The following SH3KBP1 variants were observed in gnomAD, a reference collection of about 807,000 sequenced individuals.
The protein encoded by SH3KBP1 is SH3 domain containing kinase binding protein 1.
In SH3KBP1, 8 loss-of-function variants were observed where a neutral mutation model predicts 50.1. That is an observed-to-expected ratio of 0.16 (90% CI 0.09 to 0.29). The LOEUF is 0.29. Ranked by LOEUF, SH3KBP1 falls within the 10% of genes least tolerant of loss-of-function variation. The pLI is 1.00. For missense variants in SH3KBP1, 377 were observed against 535.2 expected, an observed-to-expected ratio of 0.70 and a Z score of 2.92; for synonymous variants, 227 against 218.6, an observed-to-expected ratio of 1.04 and a Z score of -0.34.
chrX:19,745,490 T>C, intron 3 of SH3KBP1, among the ~76,000 whole-genome samples: 1 of 112,089 alleles, frequency 8.9e-6, no homozygotes, highest in Middle Eastern at 4.6e-3. Flanking sequence ...TTCTGGTTAA[T>C]GGAACCCTTT....
chrX:19,591,974 A>G, intron 11 of SH3KBP1, 93 bp downstream of exon 11: 1 of 738,155 alleles, frequency 1.4e-6, no homozygotes, highest in Non-Finnish European at 2.1e-6. Flanking sequence ...TCCAAAGGAA[A>G]AGCAAATTCT....
At chrX:19,568,453 T>C (rs780014613) in intron 13 of SH3KBP1, among the ~76,000 whole-genome samples, 5 of 111,947 alleles carry the variant, frequency 4.5e-5, no homozygotes, top group Non-Finnish European at 9.4e-5. Flanking sequence ...AAAAATAAAA[T>C]AAAATAATAA....
chrX:19,554,457 A>C (rs909601651), intron 13 of SH3KBP1, among the ~76,000 whole-genome samples: 7 of 103,889 alleles, frequency 6.7e-5, no homozygotes, highest in Non-Finnish European at 1.2e-4. Context: ...TCTGCAGTGC[A>C]GTGGTACAAT....
At chrX:19,609,510 CA>C (rs771481488) in intron 8 of SH3KBP1, among the ~76,000 whole-genome samples, 98 of 111,514 alleles carry the variant, frequency 8.8e-4, no homozygotes, top group African/African-American at 3.0e-3. Flanking sequence ...AACAAACAAA[CA>C]AAAAAACCTG....
At chrX:19,554,046 TTAAAATATATTATATATATTAAAATA>T (rs2065357206) in intron 13 of SH3KBP1, among the ~76,000 whole-genome samples, 1 of 57,383 alleles carries the variant, frequency 1.7e-5, no homozygotes, top group Admixed American at 2.8e-4. Context: ...ATAATATATA[TTAAAATATATTATATATATTAAAATA>T]CATTATATAT....
intron 9 of SH3KBP1, among the ~76,000 whole-genome samples, chrX:19,602,614 T>C (rs914460280): frequency 8.9e-6 from 1 of 112,458 alleles, no homozygotes; most frequent in African/African-American, 3.2e-5. Context: ...CATATTTCTT[T>C]CTTTTGGAAG....
intron 12 of SH3KBP1, among the ~76,000 whole-genome samples, chrX:19,573,359 T>C (rs1320998872): frequency 9.0e-6 from 1 of 111,722 alleles, no homozygotes; most frequent in Non-Finnish European, 1.9e-5. Flanking sequence ...TAATCTTGGC[T>C]CACTGCAACC....
chrX:19,551,974 C>T (rs926894877), intron 13 of SH3KBP1, among the ~76,000 whole-genome samples: 2 of 111,662 alleles, frequency 1.8e-5, no homozygotes, highest in African/African-American at 3.3e-5. Context: ...ATTGTAACAA[C>T]GAAAAGAAAG....
At chrX:19,709,072 T>A (rs1455065889) in intron 3 of SH3KBP1, among the ~76,000 whole-genome samples, 1 of 112,284 alleles carries the variant, frequency 8.9e-6, no homozygotes, top group Non-Finnish European at 1.9e-5. Context: ...ACCCAATGGA[T>A]GTAGGACCTG....
intron 3 of SH3KBP1, among the ~76,000 whole-genome samples, chrX:19,717,056 A>AG (rs1029172452): frequency 9.0e-6 from 1 of 110,779 alleles, no homozygotes; most frequent in Non-Finnish European, 1.9e-5. Context: ...GGCAATGGGG[A>AG]GGGGTCCCAG....
intron 2 of SH3KBP1, among the ~76,000 whole-genome samples, chrX:19,811,719 C>T (rs1484248440): frequency 8.9e-6 from 1 of 111,899 alleles, no homozygotes; most frequent in Non-Finnish European, 1.9e-5. Context: ...ATACTACCTA[C>T]CTGCACTAGC....
intron 2 of SH3KBP1, among the ~76,000 whole-genome samples, chrX:19,786,407 G>A (rs1355789520): frequency 8.9e-6 from 1 of 111,877 alleles, no homozygotes; most frequent in Non-Finnish European, 1.9e-5. Context: ...TCTATTGAGT[G>A]CTATGCTTCA....
chrX:19,542,765 G>A (rs2064962921), intron 15 of SH3KBP1, among the ~76,000 whole-genome samples: 1 of 112,025 alleles, frequency 8.9e-6, no homozygotes, highest in Non-Finnish European at 1.9e-5. Context: ...GCAGCGGGAG[G>A]GAACACGCCA....
At chrX:19,554,398 G>A (rs181193354) in intron 13 of SH3KBP1, among the ~76,000 whole-genome samples, 34 of 62,734 alleles carry the variant, frequency 5.4e-4, no homozygotes, top group African/African-American at 2.3e-3. Context: ...ATTAAAATAT[G>A]ATATATATTA....
chrX:19,706,160 A>G (rs2063648222), intron 4 of SH3KBP1, among the ~76,000 whole-genome samples: 1 of 111,871 alleles, frequency 8.9e-6, no homozygotes, highest in African/African-American at 3.3e-5. Context: ...TCAGCAAGCA[A>G]TAAGCAAATG....
chrX:19,696,279 A>G (rs1296041134), intron 4 of SH3KBP1, among the ~76,000 whole-genome samples: 1 of 112,426 alleles, frequency 8.9e-6, no homozygotes, highest in Non-Finnish European at 1.9e-5. Context: ...AATATAAATC[A>G]TTCCCTTTAT....
chrX:19,664,460 G>A (rs903647467), intron 6 of SH3KBP1, among the ~76,000 whole-genome samples: 7 of 111,139 alleles, frequency 6.3e-5, no homozygotes, highest in Middle Eastern at 4.7e-3. Context: ...CCCTGACCCA[G>A]CTGTATCTCT....
intron 5 of SH3KBP1, among the ~76,000 whole-genome samples, chrX:19,688,269 A>C (rs965927215): frequency 9.0e-6 from 1 of 111,658 alleles, no homozygotes; most frequent in Non-Finnish European, 1.9e-5. Flanking sequence ...GTATTAATAT[A>C]CTGGTGAGGG....
chrX:19,860,563 T>C (rs1157738066), intron 1 of SH3KBP1, among the ~76,000 whole-genome samples: 3 of 111,911 alleles, frequency 2.7e-5, no homozygotes, highest in Non-Finnish European at 5.6e-5. Flanking sequence ...ACCTTGAGAA[T>C]GTACGTGATG....
Sources: allele counts gnomAD v4.1 joint callset (sites outside exome capture counted in the v4.1 genomes callset), GRCh38; gene constraint gnomAD v4.1.1; transcripts MANE v1.5; gene names NCBI Gene and HGNC (gene_info 2026-07-23, HGNC 2026-07-21).